The following DPP10 variants were observed in gnomAD, a reference collection of about 807,000 sequenced individuals.
The protein encoded by DPP10 is dipeptidyl peptidase like 10.
DPP10 carries 33 observed loss-of-function variants against 120.9 expected under a neutral mutation model. The ratio of observed to expected loss-of-function variants is 0.27; its 90% CI spans 0.21 to 0.37. The LOEUF is 0.37. Ranked by LOEUF, DPP10 falls within the 10% of genes least tolerant of loss-of-function variation. The pLI is 1.00. For missense variants in DPP10, 816 were observed against 942.8 expected (o/e 0.87, Z 1.76); for synonymous variants, 337 against 326.1 (o/e 1.03, Z -0.36).
intron 1 of DPP10, among the ~76,000 whole-genome samples, chr2:114,858,142 G>A (rs1365199495): frequency 2.0e-5 from 3 of 151,860 alleles, no homozygotes; most frequent in Admixed American, 6.6e-5. Flanking sequence ...GATGCACGCC[G>A]CCACACTCGG....
chr2:115,616,434 A>G (rs2084504334), intron 5 of DPP10, among the ~76,000 whole-genome samples: 1 of 151,682 alleles, frequency 6.6e-6, no homozygotes, highest in Non-Finnish European at 1.5e-5. Context: ...CAGTATCCCT[A>G]CTCTAATCTA....
chr2:115,373,957 A>G lies in DPP10; in HGVS notation c.271+30045A>G, dbSNP rs116021876. ...AAACCATCAGATCTTGTGAGAACTT[A>G]CTCACTATCATGAGAAAAACAAGGC... is the stretch of plus-strand genomic sequence containing the variant. On this transcript the variant is annotated intron_variant, in intron 3 of 25. Transcript: ENST00000410059. Among the ~76,000 whole-genome samples, 789 of 151,912 alleles carry G rather than the reference A, an allele frequency of 5.2e-3. 5 individuals are homozygous for G. Among genetic ancestry groups the G allele is most frequent in the African/African-American group, 0.017 (716 of 41,436 alleles).
At chr2:114,622,052 T>C (rs759040729) in intron 1 of DPP10, among the ~76,000 whole-genome samples, 6 of 152,016 alleles carry the variant, frequency 3.9e-5, no homozygotes, top group South Asian at 4.2e-4. Context: ...TGTAATGAAG[T>C]GGTAAGTTGA....
At chr2:115,521,068 G>A (rs1417599713) in intron 4 of DPP10, among the ~76,000 whole-genome samples, 1 of 152,166 alleles carries the variant, frequency 6.6e-6, no homozygotes, top group Non-Finnish European at 1.5e-5. Flanking sequence ...TAAAGGAGAA[G>A]AATTAGAATG....
rs777612113 is a variant in DPP10 at position 115,309,255 on chromosome 2, G to A, written c.77G>A (p.Ser26Asn). Residue 26 changes from serine to asparagine, a missense_variant, in exon 2 of 26, where the codon AGC becomes AAC. By Grantham distance (46) the Ser-to-Asn change is conservative. Coordinates refer to ENST00000410059, the MANE Select transcript of DPP10 (RefSeq NM_020868.6). ...TCTCGGTAGGAACTGGGAAGTAACA[G>A]CCCTCCACAGAGAAACTGGAAGGGA... ...SKTIKELGSN[S>N]PPQRNWKGIA... is the part of the protein sequence containing the mutation. The A allele has an allele frequency of 6.2e-7, 1 of 1,613,076 alleles. No homozygotes were observed. The highest frequency in any genetic ancestry group is 1.1e-5 in the South Asian group (1 of 91,000).
chr2:115,311,079 T>G (rs557484471), intron 2 of DPP10, among the ~76,000 whole-genome samples: 1 of 152,296 alleles, frequency 6.6e-6, no homozygotes, highest in African/African-American at 2.4e-5. Flanking sequence ...AAAACCACAG[T>G]GATGAACCAT....
intron 2 of DPP10, among the ~76,000 whole-genome samples, chr2:115,319,068 A>G (rs746364181): frequency 1.3e-5 from 2 of 152,190 alleles, no homozygotes; most frequent in Non-Finnish European, 2.9e-5. Context: ...TACATTGTTG[A>G]GGGAGATTCT....
intron 3 of DPP10, among the ~76,000 whole-genome samples, chr2:115,394,234 C>T (rs2067512233): frequency 6.6e-6 from 1 of 151,990 alleles, no homozygotes; most frequent in African/African-American, 2.4e-5. Context: ...CTTAGATCCT[C>T]TTAACAATGA....
rs557877150 is a variant in DPP10, at chr2:115,673,692, G to C, written c.442-15995G>C. On this transcript the variant is annotated intron_variant, in intron 5 of 25. Transcript: ENST00000410059. The stretch of plus-strand genomic sequence containing the variant: ...CTAAAGTTTCTTTTTGTATGGACTA[G>C]GTGTGATATTTCAAACCTGTGCTTT... 2.6e-5 allele frequency among the ~76,000 whole-genome samples: 4 copies of C among 152,232 alleles called. No homozygotes were observed. The South Asian group carries it at 8.3e-4, about 32-fold the overall frequency.
chr2:114,802,082 T>G (rs1684302989), intron 1 of DPP10, among the ~76,000 whole-genome samples: 1 of 152,212 alleles, frequency 6.6e-6, no homozygotes, highest in Non-Finnish European at 1.5e-5. Context: ...TAGGATTACT[T>G]GCTTGTCATT....
chr2:115,654,144 C>T (rs1329842825), intron 5 of DPP10, among the ~76,000 whole-genome samples: 2 of 151,720 alleles, frequency 1.3e-5, no homozygotes, highest in Non-Finnish European at 3.0e-5. Flanking sequence ...TGAGTTTCAT[C>T]CACCCTGCTT....
intron 1 of DPP10, among the ~76,000 whole-genome samples, chr2:115,292,906 A>T (rs2060717061): frequency 6.6e-6 from 1 of 152,106 alleles, no homozygotes; most frequent in Non-Finnish European, 1.5e-5. Flanking sequence ...AAGACAAGTG[A>T]ACGCCAAGGT....
chr2:115,223,998 A>G (rs1183750466), intron 1 of DPP10, among the ~76,000 whole-genome samples: 1 of 152,154 alleles, frequency 6.6e-6, no homozygotes, highest in Non-Finnish European at 1.5e-5. Flanking sequence ...TTCAATAAAA[A>G]TTTATTTAGC....
At chr2:114,728,705 TC>T (rs1428475750) in intron 1 of DPP10, among the ~76,000 whole-genome samples, 1 of 152,198 alleles carries the variant, frequency 6.6e-6, no homozygotes, top group Non-Finnish European at 1.5e-5. Context: ...TAGATTACAT[TC>T]TCTCTACGTC....
intron 1 of DPP10, among the ~76,000 whole-genome samples, chr2:115,213,557 G>A (rs1242700282): frequency 1.3e-5 from 2 of 151,814 alleles, no homozygotes; most frequent in Non-Finnish European, 2.9e-5. Flanking sequence ...CTATTTATTT[G>A]TTCCTCTGAC....
At chr2:115,782,839 T>G (rs1682927879) in intron 17 of DPP10, among the ~76,000 whole-genome samples, 2 of 152,088 alleles carry the variant, frequency 1.3e-5, no homozygotes, top group Admixed American at 1.3e-4. Context: ...GTTCTTCTAG[T>G]TTTGTATATG....
At chr2:114,995,198 T>C (rs573440434) in intron 1 of DPP10, among the ~76,000 whole-genome samples, 1 of 152,300 alleles carries the variant, frequency 6.6e-6, no homozygotes, top group East Asian at 1.9e-4. Context: ...GCCCTTGTCA[T>C]CTCAGCCGTG....
At chr2:114,652,107 A>C (rs1329879206) in intron 1 of DPP10, among the ~76,000 whole-genome samples, 2 of 152,170 alleles carry the variant, frequency 1.3e-5, no homozygotes, top group Non-Finnish European at 2.9e-5. Context: ...GGGGCTTGAG[A>C]GCCCACATCC....
intron 7 of DPP10, among the ~76,000 whole-genome samples, chr2:115,697,907 G>A (rs182479775): frequency 3.9e-5 from 6 of 152,252 alleles, no homozygotes; most frequent in Admixed American, 1.3e-4. Flanking sequence ...GCATGAACCC[G>A]GGAGGCAGAG....
Sources: gnomAD v4.1 joint callset for allele counts (sites outside exome capture counted in the v4.1 genomes callset) on GRCh38, gnomAD v4.1.1 for gene constraint, MANE v1.5 for transcripts, NCBI Gene and HGNC (gene_info 2026-07-23, HGNC 2026-07-21) for gene names.